The following LMNB1 variants were observed in gnomAD, a reference collection of about 807,000 sequenced individuals.
LMNB1 encodes the protein lamin-B1.
In LMNB1, 23 loss-of-function variants were observed where a neutral mutation model predicts 67.1. That is an observed-to-expected ratio of 0.34 (90% CI 0.25 to 0.49). LMNB1 has a LOEUF of 0.49. LMNB1 is among the 20% of genes least tolerant of loss of function. LMNB1 has a pLI of 0.99. For synonymous variants in LMNB1, 281 were observed against 282.9 expected (o/e 0.99, Z 0.07); for missense variants, 634 against 746.5 (o/e 0.85, Z 1.76).
intron 1 of LMNB1, among the ~76,000 whole-genome samples, chr5:126,795,282 C>T (rs996450803): frequency 4.6e-5 from 7 of 151,998 alleles, no homozygotes; most frequent in Admixed American, 6.6e-5. Context: ...GGACTACAGG[C>T]ACAGGCCACT....
chr5:126,820,861 G>T, intron 6 of LMNB1, 49 bp from the exon 7 acceptor site: 11 of 1,313,770 alleles, frequency 8.4e-6, no homozygotes, highest in South Asian at 1.2e-5. Context: ...TTTAAGGCGA[G>T]AAGGGCATAT....
intron 5 of LMNB1, among the ~76,000 whole-genome samples, chr5:126,814,258 G>A (rs1468742578): frequency 1.3e-5 from 2 of 152,128 alleles, no homozygotes; most frequent in African/African-American, 2.4e-5. Flanking sequence ...TACTGAGTTG[G>A]CATTTACTAC....
chr5:126,797,980 G>A (rs1446984998), intron 1 of LMNB1, among the ~76,000 whole-genome samples: 1 of 152,142 alleles, frequency 6.6e-6, no homozygotes, highest in Non-Finnish European at 1.5e-5. Flanking sequence ...CAGCTTCTTG[G>A]GGGACTGAGA....
At chr5:126,826,843 C>T (rs776979133) in intron 9 of LMNB1, among the ~76,000 whole-genome samples, 27 of 152,192 alleles carry the variant, frequency 1.8e-4, no homozygotes, top group Non-Finnish European at 3.5e-4. Flanking sequence ...TTGAGTCCCT[C>T]CTTTGTTGCT....
chr5:126,807,457 T>C (rs1297579513), intron 3 of LMNB1, among the ~76,000 whole-genome samples: 1 of 152,250 alleles, frequency 6.6e-6, no homozygotes, highest in Admixed American at 6.5e-5. Flanking sequence ...ACTCTTAGTG[T>C]CAGTTTCTTA....
chr5:126,794,225 G>A (rs961074127), intron 1 of LMNB1, among the ~76,000 whole-genome samples: 6 of 152,078 alleles, frequency 3.9e-5, no homozygotes, highest in Non-Finnish European at 5.9e-5. Flanking sequence ...GTGCCTGGCC[G>A]AGTTTTTGTG....
Position 126,777,592 on chromosome 5 carries a change from G to C in LMNB1, c.84G>C (p.Ser28=). ...PTTPLSPTRL[S]RLQEKEELRE... ...CGCCGCTGAGCCCCACGCGCCTGTC[G>C]CGGCTCCAGGAGAAGGAGGAGCTGC... The change falls in exon 1 of 11, where the codon TCG becomes TCC. Residue 28 remains serine (S), a synonymous_variant. Transcript: ENST00000261366. The C allele has an allele frequency of 5.9e-6, 9 of 1,529,540 alleles. No homozygotes were observed. The highest frequency in any genetic ancestry group is 7.9e-6 in the Non-Finnish European group (9 of 1,138,406). The allele number at this position is 1,529,540 out of a possible 1,614,324, so 94.7% of individuals were successfully genotyped here. A position where few individuals can be genotyped will look rare whatever the true frequency, so the allele number is the denominator to read the frequency against.
chr5:126,797,513 A>G (rs1415239150), intron 1 of LMNB1, among the ~76,000 whole-genome samples: 2 of 152,178 alleles, frequency 1.3e-5, no homozygotes, highest in Admixed American at 1.3e-4. Context: ...TAGGATTCCT[A>G]TCTAAATTGC....
intron 3 of LMNB1, among the ~76,000 whole-genome samples, chr5:126,806,706 C>T (rs1295327811): frequency 6.6e-6 from 1 of 152,160 alleles, no homozygotes; most frequent in Non-Finnish European, 1.5e-5. Context: ...ACAGAGGTTA[C>T]ATACCATCAC....
At position 126,777,587 on chromosome 5, in the gene LMNB1, C is replaced by G. The variant is rs767800709; in HGVS notation, c.79C>G (p.Leu27Val). The G allele has an allele frequency of 7.2e-6, 11 of 1,528,472 alleles. No homozygotes were observed. In the East Asian group the frequency reaches 2.9e-4, roughly 40 times the overall value. The allele number at this position is 1,528,472 out of a possible 1,614,324, so 94.7% of individuals were successfully genotyped here. A position where few individuals can be genotyped will look rare whatever the true frequency, so the allele number is the denominator to read the frequency against. The change falls in exon 1 of 11, where the codon CTG becomes GTG. Residue 27 changes from leucine to valine, a missense_variant. Physicochemically the swap from Leu to Val is conservative, Grantham distance 32. Coordinates refer to ENST00000261366, the MANE Select transcript of LMNB1 (RefSeq NM_005573.4). The stretch of plus-strand genomic sequence containing the variant: ...CACCACGCCGCTGAGCCCCACGCGC[C>G]TGTCGCGGCTCCAGGAGAAGGAGGA... ...GPTTPLSPTR[L>V]SRLQEKEELR...
At chr5:126,807,384 C>T (rs1751468843) in intron 3 of LMNB1, among the ~76,000 whole-genome samples, 1 of 152,186 alleles carries the variant, frequency 6.6e-6, no homozygotes, top group Non-Finnish European at 1.5e-5. Context: ...TTTAAAATTA[C>T]AGGCTTTAAA....
chr5:126,805,073 G>A, intron 2 of LMNB1, 141 bp downstream of exon 2: 1 of 772,910 alleles, frequency 1.3e-6, no homozygotes. Flanking sequence ...TGGTTTACTT[G>A]AAGAAAAGTC....
rs141305300 is a variant in LMNB1, at chr5:126,813,663, G to A, written c.939+1765G>A. Among the ~76,000 whole-genome samples the A allele has an allele frequency of 1.3e-3, 201 of 152,256 alleles. 2 individuals are homozygous for A. Among genetic ancestry groups the A allele is most frequent in the African/African-American group, 4.5e-3 (188 of 41,540 alleles). On this transcript the variant is annotated intron_variant, in intron 5 of 10. Coordinates refer to ENST00000261366, the MANE Select transcript of LMNB1 (RefSeq NM_005573.4). Reference sequence around the variant, plus strand: ...ATCTGCCTGGTGAGGGCTGTTCCCCGATTTATAGATGGTGCCTTCTTGCTG... The same window carrying A: ...ATCTGCCTGGTGAGGGCTGTTCCCCAATTTATAGATGGTGCCTTCTTGCTG...
intron 1 of LMNB1, among the ~76,000 whole-genome samples, chr5:126,784,125 A>G (rs1750702008): frequency 6.9e-6 from 1 of 145,004 alleles, no homozygotes; most frequent in Non-Finnish European, 1.5e-5. Context: ...CCCGGGTTCA[A>G]GCAATTCTCC....
chr5:126,779,760 C>T (rs757350714), intron 1 of LMNB1, among the ~76,000 whole-genome samples: 1 of 150,970 alleles, frequency 6.6e-6, no homozygotes, highest in Non-Finnish European at 1.5e-5. Flanking sequence ...TGGCCGGACG[C>T]GGGGGCTCAC....
intron 6 of LMNB1, 60 bp downstream of exon 6, chr5:126,819,202 T>C: frequency 8.7e-7 from 1 of 1,149,072 alleles, no homozygotes; most frequent in South Asian, 1.4e-5. Flanking sequence ...ACCCTTTTTA[T>C]TGAAATAAAA....
intron 1 of LMNB1, among the ~76,000 whole-genome samples, chr5:126,794,300 G>T (rs1369004897): frequency 5.3e-5 from 8 of 152,146 alleles, no homozygotes; most frequent in Admixed American, 3.9e-4. Context: ...AAATACTGTG[G>T]ATCACATCCT....
chr5:126,787,526 A>G (rs1379263792), intron 1 of LMNB1, among the ~76,000 whole-genome samples: 20 of 85,902 alleles, frequency 2.3e-4, no homozygotes, highest in Non-Finnish European at 3.3e-4. Flanking sequence ...GTGTGGGGGT[A>G]TATATATATA....
chr5:126,798,780 T>TGTGTGTGTGC (rs1314378520), intron 1 of LMNB1, among the ~76,000 whole-genome samples: 4 of 151,774 alleles, frequency 2.6e-5, no homozygotes, highest in South Asian at 4.1e-4. Context: ...TGTGTGTGTG[T>TGTGTGTGTGC]GTGTGCGTGT....
Sources: allele counts gnomAD v4.1 joint callset (sites outside exome capture counted in the v4.1 genomes callset), GRCh38; gene constraint gnomAD v4.1.1; transcripts MANE v1.5; gene names NCBI Gene and HGNC (gene_info 2026-07-23, HGNC 2026-07-21).